COA1: variants seen among roughly 807,000 people sequenced by gnomAD.
COA1 encodes the protein cytochrome c oxidase assembly factor 1, also known as cytochrome c oxidase assembly factor 1 homolog.
Under a neutral mutation model 16.0 loss-of-function variants are expected in COA1, and 13 were observed. The ratio of observed to expected loss-of-function variants is 0.81; its 90% CI spans 0.53 to 1.29. COA1 has a LOEUF of 1.29. Among genes scored for constraint, COA1 ranks in the 50% most tolerant of loss-of-function variants. COA1 has a pLI of 0.00. For missense variants in COA1, 179 were observed against 177.0 expected, an observed-to-expected ratio of 1.01 and a Z score of -0.06; for synonymous variants, 65 against 65.7, an observed-to-expected ratio of 0.99 and a Z score of 0.05.
chr7:43,622,962 A>C (rs1029164095), intron 6 of COA1: 1 of 152,400 alleles, frequency 6.6e-6, no homozygotes, highest in African/African-American at 2.4e-5. Context: ...TTGGCCTTGC[A>C]AAGTGCTGGG....
intron 6 of COA1, chr7:43,633,009 T>C (rs977575350): frequency 3.9e-5 from 6 of 152,234 alleles, no homozygotes; most frequent in Non-Finnish European, 5.9e-5. Context: ...TCAATGAGCA[T>C]TGGCTTTAAC....
At chr7:43,624,840 T>C (rs747768998) in intron 6 of COA1, 1 of 1,591,472 alleles carries the variant, frequency 6.3e-7, no homozygotes, top group Non-Finnish European at 8.6e-7. Flanking sequence ...ATTTATCTAC[T>C]GAGCAATATT....
At chr7:43,702,967 G>C (rs1392907525) in intron 1 of COA1, among the ~76,000 whole-genome samples, 1 of 152,094 alleles carries the variant, frequency 6.6e-6, no homozygotes, top group Non-Finnish European at 1.5e-5. Flanking sequence ...ATCTTTCTAA[G>C]TTCTTGATGT....
chr7:43,663,504 T>C (rs1563300499), intron 1 of COA1, among the ~76,000 whole-genome samples: 1 of 151,634 alleles, frequency 6.6e-6, no homozygotes, highest in East Asian at 1.9e-4. Flanking sequence ...ATTTACTACA[T>C]CAAAAACTAA....
intron 1 of COA1, among the ~76,000 whole-genome samples, chr7:43,664,283 AT>A (rs2092730242): frequency 6.6e-6 from 1 of 152,110 alleles, no homozygotes; most frequent in Admixed American, 6.5e-5. Context: ...ACCCGGCTCC[AT>A]TATTTGTCTT....
At chr7:43,686,305 CT>C (rs770784003) in intron 1 of COA1, among the ~76,000 whole-genome samples, 8,567 of 125,922 alleles carry the variant, frequency 0.068, 212 homozygotes, top group South Asian at 0.1. Flanking sequence ...GGCTTTGTTT[CT>C]TTTTTTTTTT....
intron 1 of COA1, among the ~76,000 whole-genome samples, chr7:43,657,023 T>C (rs2091822779): frequency 6.6e-6 from 1 of 152,046 alleles, no homozygotes. Context: ...AGTGAGACCC[T>C]ATCTCAAAAA....
At chr7:43,639,813 G>T in intron 5 of COA1, 132 bp from the exon 6 acceptor site, 2 of 627,190 alleles carry the variant, frequency 3.2e-6, no homozygotes, top group Non-Finnish European at 5.5e-6. Context: ...TTTTGTGCGA[G>T]TGCTGTGTCA....
exon 7 of COA1, chr7:43,608,650 C>A: frequency 3.2e-6 from 1 of 315,526 alleles, no homozygotes; most frequent in South Asian, 9.1e-5. Context: ...TAAGACAGAA[C>A]TTGAGCTAGA....
Position 43,681,103 on chromosome 7 carries a change from C to G in COA1, c.-38-32451G>C, listed in dbSNP as rs537249722. On this transcript the variant is annotated intron_variant, in intron 1 of 5. Transcript: ENST00000223336. ...GCACTTCTCTGTCTTCAGTATCTGTCATTTTTACCCTCATCATTTCTGTCA... is the reference window on the plus strand; with the variant it reads ...GCACTTCTCTGTCTTCAGTATCTGTGATTTTTACCCTCATCATTTCTGTCA... 4.3e-4 allele frequency among the ~76,000 whole-genome samples: 65 copies of G among 152,248 alleles called. 1 individual carries two copies. In the South Asian group the frequency reaches 0.013, roughly 31 times the overall value.
intron 3 of COA1, 179 bp from the exon 4 acceptor site, chr7:43,645,578 A>C (rs958612406): frequency 5.2e-6 from 3 of 579,644 alleles, no homozygotes; most frequent in Non-Finnish European, 6.1e-6. Context: ...TCAAAAACCA[A>C]AGCACAGGCA....
At chr7:43,690,448 T>TAC (rs913292389) in intron 1 of COA1, among the ~76,000 whole-genome samples, 3 of 151,496 alleles carry the variant, frequency 2.0e-5, no homozygotes, top group Admixed American at 6.6e-5. Context: ...CACACATATA[T>TAC]ACACACACAC....
intron 1 of COA1, among the ~76,000 whole-genome samples, chr7:43,695,646 A>G (rs1274286407): frequency 6.6e-6 from 1 of 152,072 alleles, no homozygotes; most frequent in Non-Finnish European, 1.5e-5. Flanking sequence ...CGGCAAATAC[A>G]AATTAGAGAA....
rs181901369 is a variant in COA1 at position 43,686,563 on chromosome 7, G to A, written c.-38-37911C>T. 5.6e-3 allele frequency among the ~76,000 whole-genome samples: 859 copies of A among 152,124 alleles called. 4 individuals carry two copies. The highest frequency in any genetic ancestry group is 8.6e-3 in the Non-Finnish European group (587 of 67,978). ...CCCGCCTCGGCCTCCCAAAGTGCTGGGATTACAGGCGTGAGCCACCGCGCC... is the reference window on the plus strand; with the variant it reads ...CCCGCCTCGGCCTCCCAAAGTGCTGAGATTACAGGCGTGAGCCACCGCGCC... On this transcript the variant is annotated intron_variant, in intron 1 of 5. Coordinates refer to ENST00000223336, the MANE Select transcript of COA1 (RefSeq NM_018224.4).
chr7:43,721,680 G>C (rs896159764), intron 1 of COA1, among the ~76,000 whole-genome samples: 3 of 152,052 alleles, frequency 2.0e-5, no homozygotes, highest in Non-Finnish European at 2.9e-5. Context: ...GAGTTTTTGA[G>C]GTGAGGCAAC....
At position 43,624,429 on chromosome 7, in the gene COA1, A is replaced by C. The variant is rs1230779198; in HGVS notation, c.*134-14934T>G. 4 of 1,303,136 alleles carry C rather than the reference A, an allele frequency of 3.1e-6. No individual in the cohort carries two copies. In the African/African-American group the frequency reaches 6.0e-5, roughly 20 times the overall value. The allele number at this position is 1,303,136 out of a possible 1,614,324, so 80.7% of individuals were successfully genotyped here. On this transcript the variant is annotated intron_variant and NMD_transcript_variant, in intron 6 of 6. Coordinates refer to the COA1 transcript ENST00000415076. ...TTTTTGCCAACTTGTCAGACTTCCCAAAATATAATGCAATAAATACAGTAC... is the reference window on the plus strand; with the variant it reads ...TTTTTGCCAACTTGTCAGACTTCCCCAAATATAATGCAATAAATACAGTAC...
chr7:43,701,525 CCT>C (rs1563418625), intron 1 of COA1, among the ~76,000 whole-genome samples: 1 of 152,154 alleles, frequency 6.6e-6, no homozygotes, highest in Non-Finnish European at 1.5e-5. Flanking sequence ...CTGATGGGCA[CCT>C]GGGTGCCCAT....
At chr7:43,726,239 G>A (rs1189504775) in intron 1 of COA1, among the ~76,000 whole-genome samples, 1 of 152,086 alleles carries the variant, frequency 6.6e-6, no homozygotes, top group Non-Finnish European at 1.5e-5. Context: ...AGAGAGACAG[G>A]GAGGCAACAA....
intron 1 of COA1, among the ~76,000 whole-genome samples, chr7:43,704,794 T>G (rs554576714): frequency 2.0e-5 from 3 of 152,298 alleles, no homozygotes; most frequent in Admixed American, 2.0e-4. Context: ...CTGAATTCTA[T>G]GTCTGTCATT....
Sources: gnomAD v4.1 joint callset for allele counts (sites outside exome capture counted in the v4.1 genomes callset) on GRCh38, gnomAD v4.1.1 for gene constraint, MANE v1.5 for transcripts, NCBI Gene and HGNC (gene_info 2026-07-23, HGNC 2026-07-21) for gene names.